AOAH: variants seen among roughly 807,000 people sequenced by gnomAD.
AOAH encodes the protein acyloxyacyl hydrolase.
In AOAH, 64 loss-of-function variants were observed where a neutral mutation model predicts 92.2. The ratio of observed to expected loss-of-function variants is 0.69; its 90% CI spans 0.57 to 0.86. AOAH has a LOEUF of 0.86. Among genes scored for constraint, AOAH ranks in the 40% least tolerant of loss-of-function variants. AOAH has a pLI of 0.00. For missense variants in AOAH, 656 were observed against 694.6 expected (o/e 0.94, Z 0.62); for synonymous variants, 263 against 254.5 (o/e 1.03, Z -0.32).
Position 36,724,452 on chromosome 7 carries a change from C to A in AOAH, c.-304G>T. 4.1e-6 allele frequency: 1 copy of A among 245,152 alleles called. No individual in the cohort carries two copies. Among genetic ancestry groups the A allele is most frequent in the Non-Finnish European group, 8.4e-6 (1 of 119,332 alleles). 15.2% of individuals were successfully genotyped at this position (245,152 alleles called of 1,614,324 possible). ...GTAAAGACTGCAGGATAAAGAAAAC[C>A]CAAGTTGCACAGTGGCACAACTTCC... On this transcript the variant is annotated 5_prime_UTR_variant, in exon 1 of 21. Transcript: ENST00000617537.
chr7:36,609,243 T>G (rs1015063916), intron 11 of AOAH, among the ~76,000 whole-genome samples: 16 of 152,158 alleles, frequency 1.1e-4, no homozygotes, highest in Admixed American at 9.2e-4. Context: ...TTAGCACACT[T>G]TTACTGGAAT....
intron 3 of AOAH, among the ~76,000 whole-genome samples, chr7:36,671,138 G>C (rs1189549052): frequency 6.6e-6 from 1 of 151,952 alleles, no homozygotes; most frequent in Non-Finnish European, 1.5e-5. Context: ...AGACGAAAAG[G>C]GTTTCTTTTT....
At chr7:36,649,945 G>C (rs1794470383) in intron 4 of AOAH, among the ~76,000 whole-genome samples, 1 of 152,208 alleles carries the variant, frequency 6.6e-6, no homozygotes, top group Non-Finnish European at 1.5e-5. Context: ...CTGAACACTA[G>C]TCACTGGGTT....
intron 13 of AOAH, among the ~76,000 whole-genome samples, chr7:36,561,118 T>C (rs12112512): frequency 0.16 from 24,619 of 150,520 alleles, 2,354 homozygotes; most frequent in African/African-American, 0.26. Flanking sequence ...CTTGGCTCAC[T>C]GCAACCTCCA....
intron 1 of AOAH, among the ~76,000 whole-genome samples, chr7:36,722,702 A>AT (rs1562733671): frequency 6.6e-6 from 1 of 151,562 alleles, no homozygotes; most frequent in African/African-American, 2.4e-5. Context: ...TTGGGAGCCA[A>AT]GGGGGGCGGA....
chr7:36,661,626 C>A (rs148103858), intron 3 of AOAH, among the ~76,000 whole-genome samples: 1 of 152,220 alleles, frequency 6.6e-6, no homozygotes, highest in African/African-American at 2.4e-5. Context: ...CACCTCTCTT[C>A]TCTCCCTGAG....
intron 11 of AOAH, among the ~76,000 whole-genome samples, chr7:36,611,088 CA>C (rs1791421105): frequency 6.6e-6 from 1 of 152,170 alleles, no homozygotes; most frequent in Admixed American, 6.5e-5. Context: ...ACATCCTGAG[CA>C]AAATGGATCT....
intron 12 of AOAH, among the ~76,000 whole-genome samples, chr7:36,592,372 T>G (rs1276788870): frequency 6.6e-6 from 1 of 152,086 alleles, no homozygotes; most frequent in Non-Finnish European, 1.5e-5. Context: ...ACTCAGAAAG[T>G]CCCAGATGTC....
intron 20 of AOAH, among the ~76,000 whole-genome samples, chr7:36,517,941 ACACC>A (rs57061528): frequency 0.087 from 3,357 of 38,600 alleles, 134 homozygotes; most frequent in African/African-American, 0.36. Context: ...CCACACACAC[ACACC>A]CACACACACA....
chr7:36,539,204 T>G (rs886272097), intron 16 of AOAH, among the ~76,000 whole-genome samples: 3 of 152,182 alleles, frequency 2.0e-5, no homozygotes, highest in African/African-American at 7.2e-5. Flanking sequence ...GTTTCAGGTC[T>G]TCTTTGAATT....
chr7:36,618,176 A>C (rs1792031055), intron 10 of AOAH, 121 bp downstream of exon 10: 1 of 735,218 alleles, frequency 1.4e-6, no homozygotes, highest in Admixed American at 2.4e-5. Context: ...TAAGTTGGTC[A>C]GCATAGAGTA....
At position 36,659,151 on chromosome 7, in the gene AOAH, T is replaced by C; in HGVS notation, c.390+15A>G. The stretch of plus-strand genomic sequence containing the variant: ...TGTCCCTGGAAACAGATGTTCAGAG[T>C]GATTACACACTCACCTTGGGAAGAG... On this transcript the variant is annotated intron_variant, in intron 4 of 20. Coordinates refer to ENST00000617537, the MANE Select transcript of AOAH (RefSeq NM_001637.4). 6.3e-7 allele frequency: 1 copy of C among 1,597,898 alleles called. No homozygotes were observed. Among genetic ancestry groups the C allele is most frequent in the Non-Finnish European group, 8.6e-7 (1 of 1,165,266 alleles).
chr7:36,567,191 C>T (rs1462098677), intron 13 of AOAH, among the ~76,000 whole-genome samples: 2 of 152,192 alleles, frequency 1.3e-5, no homozygotes, highest in Non-Finnish European at 2.9e-5. Context: ...TGCCCCCAAT[C>T]GAATTCTTTC....
chr7:36,684,827 A>G (rs1796863877), intron 2 of AOAH, among the ~76,000 whole-genome samples: 2 of 140,818 alleles, frequency 1.4e-5, no homozygotes, highest in Admixed American at 7.4e-5. Context: ...GGGAGGCTGA[A>G]GCAGGAGGAT....
chr7:36,673,826 C>G lies in AOAH; in HGVS notation c.290+117G>C, dbSNP rs1318754307. On this transcript the variant is annotated intron_variant, in intron 3 of 20. Coordinates refer to ENST00000617537, the MANE Select transcript of AOAH (RefSeq NM_001637.4). ...CTATTACTAAGAGCTGGAATAACACCTCGAGCCCTGTCCAGAAAGCGCATC... is the reference window on the plus strand; with the variant it reads ...CTATTACTAAGAGCTGGAATAACACGTCGAGCCCTGTCCAGAAAGCGCATC... 3 of 675,748 alleles carry G rather than the reference C, an allele frequency of 4.4e-6. No individual in the cohort carries two copies. In the African/African-American group the frequency reaches 5.5e-5, roughly 12 times the overall value. The allele number at this position is 675,748 out of a possible 1,614,324, so 41.9% of individuals were successfully genotyped here. A position where few individuals can be genotyped will look rare whatever the true frequency, so the allele number is the denominator to read the frequency against.
chr7:36,566,801 C>T lies in AOAH; in HGVS notation c.1021+9773G>A, dbSNP rs930389041. 3.3e-5 allele frequency among the ~76,000 whole-genome samples: 5 copies of T among 152,254 alleles called. No homozygotes were observed. In the South Asian group the frequency reaches 8.3e-4, roughly 25 times the overall value. On this transcript the variant is annotated intron_variant, in intron 13 of 20. Coordinates refer to ENST00000617537, the MANE Select transcript of AOAH (RefSeq NM_001637.4). Reference sequence around the variant, plus strand: ...GGGAAAAATGCCTCACGTAAGCATGCGTGTAACTTCAGTGAACACACTGCG... The same window carrying T: ...GGGAAAAATGCCTCACGTAAGCATGTGTGTAACTTCAGTGAACACACTGCG...
At chr7:36,519,238 C>A (rs942747610) in intron 20 of AOAH, among the ~76,000 whole-genome samples, 1 of 152,190 alleles carries the variant, frequency 6.6e-6, no homozygotes, top group Non-Finnish European at 1.5e-5. Flanking sequence ...TAGATTTCTC[C>A]GTCTGTCAAC....
chr7:36,691,945 G>T (rs1797423119), intron 1 of AOAH, among the ~76,000 whole-genome samples: 1 of 152,192 alleles, frequency 6.6e-6, no homozygotes, highest in African/African-American at 2.4e-5. Flanking sequence ...GCTTCAGCCA[G>T]CAGATCACCT....
At chr7:36,678,512 A>G (rs757872684) in intron 2 of AOAH, among the ~76,000 whole-genome samples, 54 of 151,634 alleles carry the variant, frequency 3.6e-4, no homozygotes, top group Non-Finnish European at 5.9e-4. Context: ...ACTGGCTGAA[A>G]GGCAGAGAAA....
Sources: gnomAD v4.1 joint callset for allele counts (sites outside exome capture counted in the v4.1 genomes callset) on GRCh38, gnomAD v4.1.1 for gene constraint, MANE v1.5 for transcripts, NCBI Gene and HGNC (gene_info 2026-07-23, HGNC 2026-07-21) for gene names.